SLC35F1: variants seen among roughly 807,000 people sequenced by gnomAD.
SLC35F1 encodes solute carrier family 35 member F1.
In SLC35F1, 14 loss-of-function variants were observed where a neutral mutation model predicts 48.7. The ratio of observed to expected loss-of-function variants is 0.29; its 90% CI spans 0.19 to 0.45. SLC35F1 has a LOEUF of 0.45. Ranked by LOEUF, SLC35F1 falls within the 20% of genes least tolerant of loss-of-function variation. The pLI is 1.00. For synonymous variants in SLC35F1, 190 were observed against 202.2 expected (o/e 0.94, Z 0.51); for missense variants, 404 against 500.0 (o/e 0.81, Z 1.83).
intron 1 of SLC35F1, among the ~76,000 whole-genome samples, chr6:118,091,578 C>T (rs1188884375): frequency 2.0e-5 from 3 of 152,156 alleles, no homozygotes; most frequent in East Asian, 1.9e-4. Flanking sequence ...TGATAAATTA[C>T]CCAGTCTTGG....
At chr6:117,988,151 C>T (rs1031823353) in intron 1 of SLC35F1, among the ~76,000 whole-genome samples, 2 of 152,140 alleles carry the variant, frequency 1.3e-5, no homozygotes, top group South Asian at 2.1e-4. Flanking sequence ...TACTGAGTTT[C>T]GAGCCCCAGC....
intron 1 of SLC35F1, among the ~76,000 whole-genome samples, chr6:118,103,191 G>T (rs1260054486): frequency 1.3e-5 from 2 of 152,150 alleles, no homozygotes; most frequent in African/African-American, 4.8e-5. Flanking sequence ...TGGCTAATTT[G>T]TCTTATGAGC....
chr6:117,994,424 A>G (rs1440691735), intron 1 of SLC35F1, among the ~76,000 whole-genome samples: 1 of 152,174 alleles, frequency 6.6e-6, no homozygotes, highest in Non-Finnish European at 1.5e-5. Context: ...CATATAACAT[A>G]ACATATTCCA....
chr6:118,274,875 C>T (rs1582764742), intron 4 of SLC35F1, among the ~76,000 whole-genome samples: 1 of 152,226 alleles, frequency 6.6e-6, no homozygotes, highest in East Asian at 1.9e-4. Flanking sequence ...AAAGTGCAAT[C>T]TTGACGGCTT....
intron 2 of SLC35F1, among the ~76,000 whole-genome samples, chr6:118,160,644 A>G (rs1294166094): frequency 6.6e-6 from 1 of 152,230 alleles, no homozygotes; most frequent in Non-Finnish European, 1.5e-5. Context: ...GTTAATTGTA[A>G]GTGCGAAGAC....
chr6:118,246,067 A>G (rs1377841276), intron 3 of SLC35F1, among the ~76,000 whole-genome samples: 2 of 152,026 alleles, frequency 1.3e-5, no homozygotes, highest in Non-Finnish European at 2.9e-5. Flanking sequence ...TCCTCCTTCC[A>G]GGGATACCGG....
At chr6:118,112,101 CTTTTCTTTTCTTTTCT>C (rs1562293542) in intron 1 of SLC35F1, among the ~76,000 whole-genome samples, 1,710 of 82,794 alleles carry the variant, frequency 0.021, 42 homozygotes, top group African/African-American at 0.071. Flanking sequence ...CTTTTCTTTT[CTTTTCTTTTCTTTTCT>C]TTTCTTTTCT....
intron 1 of SLC35F1, among the ~76,000 whole-genome samples, chr6:118,001,679 G>A (rs1394997390): frequency 2.0e-5 from 3 of 152,054 alleles, no homozygotes; most frequent in African/African-American, 7.2e-5. Flanking sequence ...CAAAATGGAA[G>A]AAAATTTTCA....
chr6:118,050,133 C>G (rs1415700322), intron 1 of SLC35F1, among the ~76,000 whole-genome samples: 7 of 151,964 alleles, frequency 4.6e-5, no homozygotes, highest in African/African-American at 1.7e-4. Flanking sequence ...CCAAACACCA[C>G]ATGTTCTCAC....
chr6:118,181,356 A>G (rs1253755937), intron 2 of SLC35F1, among the ~76,000 whole-genome samples: 1 of 152,158 alleles, frequency 6.6e-6, no homozygotes, highest in Non-Finnish European at 1.5e-5. Flanking sequence ...AAATGTTCCA[A>G]GGTCCTTGTA....
At chr6:118,022,553 G>A (rs1456068347) in intron 1 of SLC35F1, among the ~76,000 whole-genome samples, 3 of 128,682 alleles carry the variant, frequency 2.3e-5, no homozygotes, top group African/African-American at 8.1e-5. Context: ...CAGAGAGGCA[G>A]AGCTCTCACC....
At chr6:117,963,418 T>A (rs754242842) in intron 1 of SLC35F1, among the ~76,000 whole-genome samples, 1 of 151,684 alleles carries the variant, frequency 6.6e-6, no homozygotes, top group Non-Finnish European at 1.5e-5. Context: ...GGCTTCAGAG[T>A]ATCACACATC....
Position 118,285,335 on chromosome 6 carries a change from C to T in SLC35F1, c.999C>T (p.Tyr333=), listed in dbSNP as rs1776036473. The change falls in exon 7 of 8, where the codon TAC becomes TAT. Residue 333 remains tyrosine (Y), a synonymous_variant. Coordinates refer to ENST00000360388, the MANE Select transcript of SLC35F1 (RefSeq NM_001029858.4). Reference sequence around the variant, plus strand: ...TCTGTGGATTGTTTCTCTTCCACTACAAGGTAAGTTGAGTGAGTGCTCCTT... The same window carrying T: ...TCTGTGGATTGTTTCTCTTCCACTATAAGGTAAGTTGAGTGAGTGCTCCTT... ...SLFCGLFLFH[Y]KFSGLYLLSF... 1 of 1,613,678 alleles carries T rather than the reference C, an allele frequency of 6.2e-7. No individual in the cohort carries two copies. Among genetic ancestry groups the T allele is most frequent in the African/African-American group, 1.3e-5 (1 of 74,890 alleles).
At chr6:118,247,489 C>G (rs934564144) in intron 3 of SLC35F1, among the ~76,000 whole-genome samples, 1 of 152,166 alleles carries the variant, frequency 6.6e-6, no homozygotes, top group Non-Finnish European at 1.5e-5. Flanking sequence ...GCTTTGTCTG[C>G]AATGAATGTG....
intron 1 of SLC35F1, among the ~76,000 whole-genome samples, chr6:118,128,738 A>C (rs2991963): frequency 0.98 from 147,957 of 151,218 alleles, 72,475 homozygotes; most frequent in Middle Eastern, 1. Flanking sequence ...GTGCAGCACA[A>C]CAGCATGGCA....
At chr6:118,286,801 G>GTT (rs753006780) in intron 7 of SLC35F1, among the ~76,000 whole-genome samples, 5 of 130,346 alleles carry the variant, frequency 3.8e-5, no homozygotes, top group South Asian at 4.7e-4. Context: ...GTGTGTGTGT[G>GTT]TGTTTGTGTG....
intron 6 of SLC35F1, among the ~76,000 whole-genome samples, chr6:118,284,729 C>G (rs1776029240): frequency 6.6e-6 from 1 of 152,164 alleles, no homozygotes; most frequent in Non-Finnish European, 1.5e-5. Flanking sequence ...CATGCAAGCT[C>G]TTCAACTTTA....
chr6:118,037,541 A>T (rs2114898613), intron 1 of SLC35F1, among the ~76,000 whole-genome samples: 1 of 152,140 alleles, frequency 6.6e-6, no homozygotes, highest in South Asian at 2.1e-4. Flanking sequence ...TTAATATTTT[A>T]CCATTCTCCT....
At chr6:117,914,085 CCTAT>C (rs60175681) in intron 1 of SLC35F1, among the ~76,000 whole-genome samples, 48,308 of 144,992 alleles carry the variant, frequency 0.33, 8,015 homozygotes, top group African/African-American at 0.36. Flanking sequence ...ACAAAAGAAT[CCTAT>C]CTATCTATCT....
Sources: gnomAD v4.1 joint callset for allele counts (sites outside exome capture counted in the v4.1 genomes callset) on GRCh38, gnomAD v4.1.1 for gene constraint, MANE v1.5 for transcripts, NCBI Gene and HGNC (gene_info 2026-07-23, HGNC 2026-07-21) for gene names.